Variants in PITPNC1 observed in about 807,000 individuals in gnomAD.
PITPNC1 encodes cytoplasmic phosphatidylinositol transfer protein 1.
A neutral mutation model predicts 44.7 loss-of-function variants in PITPNC1; 18 were observed. The ratio of observed to expected loss-of-function variants is 0.40; its 90% CI spans 0.28 to 0.60. The LOEUF (loss-of-function observed/expected upper bound fraction) is 0.60. PITPNC1 is among the 20% of genes least tolerant of loss of function. The pLI, the probability that PITPNC1 is intolerant of heterozygous loss-of-function variation, is 0.39. For missense variants in PITPNC1, 290 were observed against 418.4 expected (o/e 0.69, Z 2.68); for synonymous variants, 141 against 149.6 (o/e 0.94, Z 0.42).
At chr17:67,487,075 T>A (rs2039789279) in intron 1 of PITPNC1, among the ~76,000 whole-genome samples, 1 of 152,110 alleles carries the variant, frequency 6.6e-6, no homozygotes, top group South Asian at 2.1e-4. Context: ...TGTAGCTGTA[T>A]GAAAAAGAAA....
At position 67,678,880 on chromosome 17, in the gene PITPNC1, G is replaced by T. The variant is rs78504266; in HGVS notation, c.682+3338G>T. Among the ~76,000 whole-genome samples the T allele has an allele frequency of 1.1e-3, 173 of 152,314 alleles. 2 individuals carry two copies. Among genetic ancestry groups the T allele is most frequent in the African/African-American group, 3.9e-3 (162 of 41,552 alleles). ...CATGGAAACATGGAAACATGGAAAA[G>T]ATCCAAAATAAATCCTTGCCTATAG... On this transcript the variant is annotated intron_variant, in intron 8 of 8. Coordinates refer to ENST00000581322, the MANE Select transcript of PITPNC1 (RefSeq NM_012417.4).
At chr17:67,686,209 G>A (rs2042812697) in intron 8 of PITPNC1, among the ~76,000 whole-genome samples, 1 of 149,826 alleles carries the variant, frequency 6.7e-6, no homozygotes, top group Non-Finnish European at 1.5e-5. Context: ...ATAATTTTTT[G>A]TTGGGGGCTG....
intron 1 of PITPNC1, among the ~76,000 whole-genome samples, chr17:67,523,538 A>T (rs566993939): frequency 1.9e-3 from 286 of 150,304 alleles, no homozygotes; most frequent in Non-Finnish European, 3.5e-3. Flanking sequence ...CTTGCGAGGT[A>T]TTCTATTAGT....
intron 6 of PITPNC1, among the ~76,000 whole-genome samples, chr17:67,645,874 C>T (rs1286277144): frequency 6.6e-6 from 1 of 152,230 alleles, no homozygotes; most frequent in African/African-American, 2.4e-5. Context: ...CCTGTAATCC[C>T]AGCACTTTGG....
At chr17:67,636,153 C>T (rs1767959124) in intron 6 of PITPNC1, among the ~76,000 whole-genome samples, 1 of 152,008 alleles carries the variant, frequency 6.6e-6, no homozygotes, top group Non-Finnish European at 1.5e-5. Flanking sequence ...AAAAAATTAG[C>T]CGGCCATGGT....
intron 1 of PITPNC1, chr17:67,408,672 CTCTTTCTTCCTTCCTTCCTT>C (rs1567978278): frequency 2.3e-5 from 2 of 87,774 alleles, no homozygotes; most frequent in African/African-American, 8.4e-5. Context: ...TGCTTGCTTT[CTCTTTCTTCCTTCCTTCCTT>C]CCTTCCTTCC....
At chr17:67,471,175 T>G (rs372673744) in intron 1 of PITPNC1, among the ~76,000 whole-genome samples, 16 of 101,866 alleles carry the variant, frequency 1.6e-4, no homozygotes, top group Admixed American at 7.4e-4. Context: ...TCCCCCTCTG[T>G]GAGAAACACC....
intron 1 of PITPNC1, among the ~76,000 whole-genome samples, chr17:67,422,209 T>C (rs1004269738): frequency 8.5e-5 from 13 of 152,140 alleles, no homozygotes; most frequent in African/African-American, 3.1e-4. Context: ...CCCAGGCCCA[T>C]CCTAGGAGGA....
At chr17:67,617,851 T>G (rs2041779746) in intron 5 of PITPNC1, among the ~76,000 whole-genome samples, 1 of 152,128 alleles carries the variant, frequency 6.6e-6, no homozygotes, top group African/African-American at 2.4e-5. Flanking sequence ...GGAGCCACCC[T>G]AAATCCAGGA....
At chr17:67,430,000 A>C (rs552563464) in intron 1 of PITPNC1, among the ~76,000 whole-genome samples, 2 of 152,234 alleles carry the variant, frequency 1.3e-5, no homozygotes, top group Non-Finnish European at 2.9e-5. Flanking sequence ...TAGTGGAAAC[A>C]GCCTTGCTTT....
intron 5 of PITPNC1, among the ~76,000 whole-genome samples, chr17:67,590,962 A>AG (rs1392756170): frequency 2.0e-5 from 3 of 152,216 alleles, no homozygotes; most frequent in African/African-American, 7.2e-5. Flanking sequence ...TCAAAAAAAA[A>AG]AAAAGAAAGA....
intron 4 of PITPNC1, among the ~76,000 whole-genome samples, chr17:67,563,902 T>C (rs1240290198): frequency 1.3e-5 from 2 of 152,036 alleles, no homozygotes; most frequent in Non-Finnish European, 2.9e-5. Flanking sequence ...GATGGATAGA[T>C]AGATTAGATA....
intron 5 of PITPNC1, among the ~76,000 whole-genome samples, chr17:67,582,936 G>C (rs547420945): frequency 1.3e-5 from 2 of 152,186 alleles, no homozygotes; most frequent in African/African-American, 2.4e-5. Context: ...TGGGGTTAAT[G>C]GGGGCAGCCT....
At chr17:67,380,825 G>A (rs1050695418) in intron 1 of PITPNC1, among the ~76,000 whole-genome samples, 2 of 152,062 alleles carry the variant, frequency 1.3e-5, no homozygotes, top group African/African-American at 4.8e-5. Context: ...CCAGGCTGGA[G>A]TGCAGTGGCG....
chr17:67,552,535 AC>A (rs1435561542), intron 3 of PITPNC1, among the ~76,000 whole-genome samples, 190 bp downstream of exon 3: 1 of 151,828 alleles, frequency 6.6e-6, no homozygotes, highest in Non-Finnish European at 1.5e-5. Flanking sequence ...ATGGCAGGTG[AC>A]AGGGGGGTTA....
chr17:67,506,457 T>C (rs930323535), intron 1 of PITPNC1, among the ~76,000 whole-genome samples: 1 of 152,224 alleles, frequency 6.6e-6, no homozygotes, highest in African/African-American at 2.4e-5. Context: ...GCAGTAGTTT[T>C]TTCAGGTGTA....
At chr17:67,483,677 T>C (rs1026901412) in intron 1 of PITPNC1, among the ~76,000 whole-genome samples, 1 of 152,174 alleles carries the variant, frequency 6.6e-6, no homozygotes, top group Non-Finnish European at 1.5e-5. Flanking sequence ...TTCACCCTCC[T>C]ATCTGAGAGC....
At chr17:67,403,218 C>CAAAAAAA (rs34768084) in intron 1 of PITPNC1, among the ~76,000 whole-genome samples, 11,309 of 68,636 alleles carry the variant, frequency 0.16, 2,668 homozygotes, top group South Asian at 0.29. Flanking sequence ...CTCATCTCTA[C>CAAAAAAA]AAAAAAAAAA....
At chr17:67,553,287 T>C (rs894412969) in intron 3 of PITPNC1, 5 of 204,784 alleles carry the variant, frequency 2.4e-5, no homozygotes, top group African/African-American at 1.1e-4. Flanking sequence ...TTGTGGTTAA[T>C]GAAATACTCT....
Sources: allele counts gnomAD v4.1 joint callset (sites outside exome capture counted in the v4.1 genomes callset), GRCh38; gene constraint gnomAD v4.1.1; transcripts MANE v1.5; gene names NCBI Gene and HGNC (gene_info 2026-07-23, HGNC 2026-07-21).